Variants in DOT1L observed in about 807,000 individuals in gnomAD.
DOT1L encodes DOT1 like histone lysine methyltransferase, also known as histone-lysine N-methyltransferase, H3 lysine-79 specific.
In DOT1L, 33 loss-of-function variants were observed where a neutral mutation model predicts 153.3. That is an observed-to-expected ratio of 0.22 (90% CI 0.16 to 0.29). DOT1L has a LOEUF of 0.29. DOT1L is among the 10% of genes least tolerant of loss of function. DOT1L has a pLI of 1.00. For missense variants in DOT1L, 1,847 were observed against 2,119.9 expected, an observed-to-expected ratio of 0.87 and a Z score of 2.53; for synonymous variants, 1,135 against 965.1, an observed-to-expected ratio of 1.18 and a Z score of -3.26.
rs755879638 is a variant in DOT1L at position 2,180,696 on chromosome 19, T to TTC, written c.82-9_82-8dup. On this transcript the variant is annotated splice_polypyrimidine_tract_variant and intron_variant, in intron 1 of 27. Coordinates refer to ENST00000398665, the MANE Select transcript of DOT1L (RefSeq NM_032482.3). Reference sequence around the variant, plus strand: ...TGGAGGATGGCTCTGCGTCTCAAACTTCTCTCTCTGTTTCAGGATAAACAT... The same window carrying TTC: ...TGGAGGATGGCTCTGCGTCTCAAACTTCTCTCTCTCTGTTTCAGGATAAACAT... The TTC allele has an allele frequency of 6.2e-7, 1 of 1,613,846 alleles. No homozygotes were observed. Among genetic ancestry groups the TTC allele is most frequent in the Admixed American group, 1.7e-5 (1 of 59,982 alleles).
chr19:2,165,834 T>G (rs1392503893), intron 1 of DOT1L, among the ~76,000 whole-genome samples: 1 of 151,476 alleles, frequency 6.6e-6, no homozygotes, highest in Non-Finnish European at 1.5e-5. Flanking sequence ...AGCGGCGCGA[T>G]CTCGGCTCGC....
chr19:2,223,409 C>T lies in DOT1L; in HGVS notation c.3519C>T (p.Ser1173=), dbSNP rs963522131. Residue 1173 remains serine (S), a synonymous_variant, in exon 25 of 28, where the codon AGC becomes AGT. Transcript: ENST00000398665. ...PPVLKKERPL[S]QTNGAHYSPL... is the part of the protein sequence containing the mutation. ...TGCTCAAGAAGGAGCGGCCTCTGAG[C>T]CAGACCAATGGGGCACACTACTCCC... 6.2e-7 allele frequency: 1 copy of T among 1,613,598 alleles called. No homozygotes were observed. The highest frequency in any genetic ancestry group is 1.3e-5 in the African/African-American group (1 of 74,864).
intron 7 of DOT1L, among the ~76,000 whole-genome samples, chr19:2,198,491 C>CG (rs1011122568): frequency 7.2e-5 from 11 of 152,134 alleles, no homozygotes; most frequent in African/African-American, 2.4e-4. Flanking sequence ...CCTCCGGGCC[C>CG]GGGGGGGTGT....
chr19:2,210,947 TGTTCAGGGTGTCCCTGGA>T, intron 14 of DOT1L, 92 bp downstream of exon 14: 2 of 1,494,012 alleles, frequency 1.3e-6, no homozygotes, highest in Non-Finnish European at 1.8e-6. Context: ...GAGCCCCGTG[TGTTCAGGGTGTCCCTGGA>T]GCCTCCCTGT....
intron 1 of DOT1L, among the ~76,000 whole-genome samples, chr19:2,169,047 G>A (rs2020030517): frequency 6.6e-6 from 1 of 152,206 alleles, no homozygotes; most frequent in African/African-American, 2.4e-5. Context: ...GTGACTCACA[G>A]GCTGTGGGCG....
intron 25 of DOT1L, 51 bp downstream of exon 25, chr19:2,223,537 G>T: frequency 9.5e-7 from 1 of 1,049,212 alleles, no homozygotes; most frequent in Non-Finnish European, 1.3e-6. Flanking sequence ...GGGGCAGGAG[G>T]TGCCTGCTCA....
At position 2,211,783 on chromosome 19, in the gene DOT1L, G is replaced by A. The variant is rs868591504; in HGVS notation, c.1498G>A (p.Ala500Thr). 6.4e-7 allele frequency: 1 copy of A among 1,571,750 alleles called. No homozygotes were observed. The highest frequency in any genetic ancestry group is 1.9e-5 in the Admixed American group (1 of 53,536). Residue 500 changes from alanine to threonine, a missense_variant, in exon 16 of 28, where the codon GCA becomes ACA. Physicochemically the swap from Ala to Thr is moderately conservative, Grantham distance 58. Coordinates refer to ENST00000398665, the MANE Select transcript of DOT1L (RefSeq NM_032482.3). ...SFKIQYLQFL[A>T]YTKTPQYKAS... The stretch of plus-strand genomic sequence containing the variant: ...CAAGATCCAGTACCTGCAGTTCCTG[G>A]CATACACAAAGACCCCCCAGTACAA...
At chr19:2,202,328 C>T (rs1469133480) in intron 8 of DOT1L, among the ~76,000 whole-genome samples, 1 of 152,240 alleles carries the variant, frequency 6.6e-6, no homozygotes, top group Non-Finnish European at 1.5e-5. Flanking sequence ...TGCAGTCCAG[C>T]CCCGTGCTGG....
At position 2,197,235 on chromosome 19, in the gene DOT1L, C is replaced by T. The variant is rs933557703; in HGVS notation, c.652-2649C>T. On this transcript the variant is annotated intron_variant, in intron 7 of 27. Transcript: ENST00000398665. The surrounding 1 kb of genome is among the most constrained non-coding windows in gnomAD (Gnocchi z 4.1). ...TGGGCCCGGCTCTCCTTCCCTTTCT[C>T]ATGGTGATTGTTCCCAAATGCTGTG... Among the ~76,000 whole-genome samples the T allele has an allele frequency of 3.3e-5, 5 of 152,214 alleles. No individual in the cohort carries two copies. The highest frequency in any genetic ancestry group is 6.5e-5 in the Admixed American group (1 of 15,280).
chr19:2,195,361 C>G (rs1358782067), intron 7 of DOT1L, among the ~76,000 whole-genome samples: 3 of 152,162 alleles, frequency 2.0e-5, no homozygotes, highest in Non-Finnish European at 4.4e-5. Flanking sequence ...CCTGTGTGCT[C>G]CTCCTCACAG....
chr19:2,216,356 G>A lies in DOT1L; in HGVS notation c.1999G>A (p.Asp667Asn), dbSNP rs377409349. 2.6e-5 allele frequency: 42 copies of A among 1,610,004 alleles called. No homozygotes were observed. The highest frequency in any genetic ancestry group is 3.1e-5 in the Non-Finnish European group (37 of 1,177,982). Residue 667 changes from aspartate (D) to asparagine (N), a missense_variant, in exon 20 of 28, where the codon GAC becomes AAC. Asp to Asn is a conservative substitution (Grantham distance 23). Around this residue, in one of 8 missense-constraint regions of DOT1L, gnomAD observed 156 missense variants for 235.7 expected, o/e 0.66. Coordinates refer to ENST00000398665, the MANE Select transcript of DOT1L (RefSeq NM_032482.3). The stretch of plus-strand genomic sequence containing the variant: ...GCTCAAGTCCTGTGTGCCGCCTGAC[G>A]ACGCCCTGTCCCTGCACCTGCGTGG... ...LQLKSCVPPD[D>N]ALSLHLRGKG...
In DOT1L at chr19:2,226,611, G is replaced by T. The variant is rs1390114953; in HGVS notation, c.4090G>T (p.Ala1364Ser). 8.1e-6 allele frequency: 13 copies of T among 1,596,450 alleles called. No individual in the cohort carries two copies. The highest frequency in any genetic ancestry group is 2.2e-5 in the East Asian group (1 of 44,556). Residue 1364 changes from alanine (A) to serine (S), a missense_variant, in exon 27 of 28, where the codon GCC (alanine) becomes TCC (serine). This residue lies in a region of DOT1L where 934 missense variants were observed against 825.3 expected (regional missense o/e 1.13). Coordinates refer to ENST00000398665, the MANE Select transcript of DOT1L (RefSeq NM_032482.3). ...GCAGCGCGGCAAGGAGGGCTCGGAC[G>T]CCAACCCTTTCCTGAGCAAGAGGCA... The part of the protein sequence containing the change: ...PSQRGKEGSD[A>S]NPFLSKRQLD...
At chr19:2,216,175 G>A in intron 19 of DOT1L, 106 bp from the exon 20 acceptor site, 2 of 1,453,412 alleles carry the variant, frequency 1.4e-6, no homozygotes, top group South Asian at 1.4e-5. Flanking sequence ...TCCCACACAA[G>A]CAGCGGGGGT....
Position 2,220,638 on chromosome 19 carries a change from G to T in DOT1L, c.2806+416G>T. Reference sequence around the variant, plus strand: ...ATGGTTTCTGGTTCCTTGAGAAGGTGCCGCCTGAGCAGTCTCTGCTGTTAG... The same window carrying T: ...ATGGTTTCTGGTTCCTTGAGAAGGTTCCGCCTGAGCAGTCTCTGCTGTTAG... On this transcript the variant is annotated intron_variant, in intron 23 of 27. Transcript: ENST00000398665. The surrounding 1 kb of genome is among the most constrained non-coding windows in gnomAD (Gnocchi z 4.5). 2.4e-6 allele frequency: 1 copy of T among 417,036 alleles called. No homozygotes were observed. Among genetic ancestry groups the T allele is most frequent in the Non-Finnish European group, 4.9e-6 (1 of 205,976 alleles). 25.8% of individuals were successfully genotyped at this position (417,036 alleles called of 1,614,324 possible).
chr19:2,210,284 C>T lies in DOT1L; in HGVS notation c.1006-116C>T. The stretch of plus-strand genomic sequence containing the variant: ...CCTGATTTGTGCCACAGAGGACTTG[C>T]AGTGGACAGAGTTGGGCCCGTGGCC... On this transcript the variant is annotated intron_variant, in intron 12 of 27. Coordinates refer to ENST00000398665, the MANE Select transcript of DOT1L (RefSeq NM_032482.3). 3 of 914,276 alleles carry T rather than the reference C, an allele frequency of 3.3e-6. No homozygotes were observed. In the South Asian group the frequency reaches 5.7e-5, roughly 17 times the overall value. The allele number at this position is 914,276 out of a possible 1,614,324, so 56.6% of individuals were successfully genotyped here.
chr19:2,210,359 A>G, intron 12 of DOT1L, 41 bp from the exon 13 acceptor site: 2 of 1,455,756 alleles, frequency 1.4e-6, no homozygotes, highest in Non-Finnish European at 1.8e-6. Flanking sequence ...GGCCGTGGGC[A>G]GCGCTGGGGC....
intron 2 of DOT1L, among the ~76,000 whole-genome samples, chr19:2,181,932 G>T (rs940785304): frequency 6.6e-5 from 10 of 152,180 alleles, no homozygotes; most frequent in African/African-American, 2.2e-4. Context: ...GTCTTTTTAA[G>T]AATGCTCAAG....
chr19:2,204,529 C>T lies in DOT1L; in HGVS notation c.787+1750C>T, dbSNP rs540290590. Among the ~76,000 whole-genome samples the T allele has an allele frequency of 1.3e-5, 2 of 152,188 alleles. No individual in the cohort carries two copies. The highest frequency in any genetic ancestry group is 2.9e-5 in the Non-Finnish European group (2 of 68,040). On this transcript the variant is annotated intron_variant, in intron 9 of 27. Coordinates refer to ENST00000398665, the MANE Select transcript of DOT1L (RefSeq NM_032482.3). The surrounding 1 kb of genome is among the most constrained non-coding windows in gnomAD (Gnocchi z 5.7). ...TGGCTTCAGGCAGCTCCTGTCACCC[C>T]CTCCATGGTCCTCGTACCCGCTGCC...
chr19:2,220,216 C>T lies in DOT1L; in HGVS notation c.2800C>T (p.Pro934Ser). The change falls in exon 23 of 28, where the codon CCC becomes TCC. Residue 934 changes from proline (P) to serine (S), a missense_variant. Pro to Ser is a moderately conservative substitution (Grantham distance 74). Transcript: ENST00000398665. This position sits in a 1 kb window ranked among gnomAD's most constrained non-coding sequence, Gnocchi z 4.5. ...GAGSRSLALA[P>S]AGFSYAGSVA... ...TGGGAGCAGAAGCCTTGCCCTGGCCCCCGCAGGTAACGCCCCTCCTGTGCC... is the reference window on the plus strand; with the variant it reads ...TGGGAGCAGAAGCCTTGCCCTGGCCTCCGCAGGTAACGCCCCTCCTGTGCC... 2.5e-6 allele frequency: 4 copies of T among 1,612,944 alleles called. No individual in the cohort carries two copies. The highest frequency in any genetic ancestry group is 3.4e-6 in the Non-Finnish European group (4 of 1,179,750).
Sources: allele counts gnomAD v4.1 joint callset (sites outside exome capture counted in the v4.1 genomes callset), GRCh38; gene constraint gnomAD v4.1.1; regional missense constraint gnomAD v4.1.1; non-coding constraint Gnocchi (gnomAD v3.1); transcripts MANE v1.5; gene names NCBI Gene and HGNC (gene_info 2026-07-23, HGNC 2026-07-21).